SMYD3: variants seen among roughly 807,000 people sequenced by gnomAD.
The protein encoded by SMYD3 is SET and MYND domain containing 3, also known as histone-lysine N-methyltransferase SMYD3.
SMYD3 carries 36 observed loss-of-function variants against 57.7 expected under a neutral mutation model. That is an observed-to-expected ratio of 0.62 (90% CI 0.48 to 0.82). SMYD3 has a LOEUF of 0.82. Ranked by LOEUF, SMYD3 falls within the 40% of genes least tolerant of loss-of-function variation. SMYD3 has a pLI of 0.00. For missense variants in SMYD3, 515 were observed against 538.8 expected, an observed-to-expected ratio of 0.96 and a Z score of 0.44; for synonymous variants, 211 against 195.0, an observed-to-expected ratio of 1.08 and a Z score of -0.68.
At chr1:246,377,436 C>G (rs1488949904) in intron 1 of SMYD3, among the ~76,000 whole-genome samples, 1 of 149,318 alleles carries the variant, frequency 6.7e-6, no homozygotes, top group Admixed American at 6.7e-5. Flanking sequence ...ATGACGCCAT[C>G]TCAGCTCACC....
chr1:246,298,803 GA>G (rs997447131), intron 5 of SMYD3, among the ~76,000 whole-genome samples: 1 of 151,258 alleles, frequency 6.6e-6, no homozygotes, highest in Non-Finnish European at 1.5e-5. Context: ...ATTTCATGGG[GA>G]AAAAAAAGAG....
chr1:245,784,570 C>T (rs1194399199), intron 10 of SMYD3, among the ~76,000 whole-genome samples: 1 of 152,006 alleles, frequency 6.6e-6, no homozygotes, highest in Non-Finnish European at 1.5e-5. Flanking sequence ...GCTCAAGTGA[C>T]CAAAAAATGA....
intron 8 of SMYD3, among the ~76,000 whole-genome samples, chr1:245,886,340 G>A (rs1456840317): frequency 6.6e-6 from 1 of 152,044 alleles, no homozygotes; most frequent in East Asian, 1.9e-4. Context: ...AGAGTTCTCG[G>A]GGTCTGAAAA....
chr1:245,842,921 G>A (rs893614815), intron 10 of SMYD3, among the ~76,000 whole-genome samples: 1 of 152,110 alleles, frequency 6.6e-6, no homozygotes, highest in Non-Finnish European at 1.5e-5. Flanking sequence ...TGTTACCCCA[G>A]GTTGATCTCA....
chr1:246,135,734 G>A (rs1176225833), intron 5 of SMYD3, among the ~76,000 whole-genome samples: 1 of 151,964 alleles, frequency 6.6e-6, no homozygotes, highest in Non-Finnish European at 1.5e-5. Context: ...GAAATATACA[G>A]CTAAAATTGT....
chr1:246,088,410 C>T (rs371417487), intron 5 of SMYD3, among the ~76,000 whole-genome samples: 2 of 150,606 alleles, frequency 1.3e-5, no homozygotes, highest in Non-Finnish European at 2.9e-5. Context: ...GAGATCGAGA[C>T]CATCCTGGCT....
At chr1:246,074,350 T>A in intron 5 of SMYD3, among the ~76,000 whole-genome samples, 1 of 148,916 alleles carries the variant, frequency 6.7e-6, no homozygotes, top group Non-Finnish European at 1.5e-5. Context: ...TTTTTATTGG[T>A]TTGCCAAAAA....
intron 11 of SMYD3, among the ~76,000 whole-genome samples, chr1:245,751,356 A>G (rs2045341966): frequency 6.6e-6 from 1 of 152,152 alleles, no homozygotes. Context: ...ATGCAGGAAA[A>G]CTTTCCATTC....
chr1:245,852,838 CCCCAGTGT>C (rs2051045783), intron 10 of SMYD3, among the ~76,000 whole-genome samples: 1 of 152,126 alleles, frequency 6.6e-6, no homozygotes, highest in Admixed American at 6.5e-5. Context: ...GTGATCACGG[CCCCAGTGT>C]CCCAGTAAGA....
chr1:245,870,327 A>G (rs1310084229), intron 8 of SMYD3, among the ~76,000 whole-genome samples: 1 of 152,068 alleles, frequency 6.6e-6, no homozygotes, highest in Non-Finnish European at 1.5e-5. Flanking sequence ...CATCATTTAG[A>G]GCCTAAGTGT....
chr1:246,012,193 A>T (rs1187675852), intron 5 of SMYD3, among the ~76,000 whole-genome samples: 1 of 152,226 alleles, frequency 6.6e-6, no homozygotes, highest in Non-Finnish European at 1.5e-5. Flanking sequence ...TACACAAAAT[A>T]GAAAGCCTTA....
At chr1:245,835,293 T>C (rs2050052607) in intron 10 of SMYD3, among the ~76,000 whole-genome samples, 1 of 152,066 alleles carries the variant, frequency 6.6e-6, no homozygotes, top group Admixed American at 6.6e-5. Flanking sequence ...CTAATTTTTG[T>C]ATTTTTAGTA....
intron 5 of SMYD3, among the ~76,000 whole-genome samples, chr1:246,245,851 G>A (rs1045072141): frequency 6.6e-6 from 1 of 152,084 alleles, no homozygotes; most frequent in Non-Finnish European, 1.5e-5. Context: ...CAAACTGTAT[G>A]AAAAGTTAGT....
At chr1:246,306,616 T>G (rs1215727017) in intron 5 of SMYD3, among the ~76,000 whole-genome samples, 1 of 152,224 alleles carries the variant, frequency 6.6e-6, no homozygotes. Context: ...TCCAATTTAT[T>G]ATGGTATAAG....
At chr1:245,858,826 C>A (rs1335922458) in intron 9 of SMYD3, among the ~76,000 whole-genome samples, 156 bp from the exon 10 acceptor site, 1 of 152,168 alleles carries the variant, frequency 6.6e-6, no homozygotes, top group East Asian at 1.9e-4. Flanking sequence ...ACTTGAGAAG[C>A]AAAAGCACAG....
rs9699574 is a variant in SMYD3 at position 246,470,526 on chromosome 1, T to A, written c.164+36528A>T. 7.2e-3 allele frequency among the ~76,000 whole-genome samples: 1,053 copies of A among 146,164 alleles called. 9 individuals are homozygous for A. Among genetic ancestry groups the A allele is most frequent in the Non-Finnish European group, 8.6e-3 (572 of 66,652 alleles). On this transcript the variant is annotated intron_variant, in intron 1 of 11. Transcript: ENST00000490107. The stretch of plus-strand genomic sequence containing the variant: ...AAAAAAAATTAAAAAAAAAAATATA[T>A]ATATATATAATATATACACATACAT...
chr1:246,059,721 CATA>C (rs555278986), intron 5 of SMYD3, among the ~76,000 whole-genome samples: 3 of 152,084 alleles, frequency 2.0e-5, no homozygotes, highest in South Asian at 2.1e-4. Flanking sequence ...TATTTTGTGG[CATA>C]ATAAGATTTC....
At chr1:245,835,140 A>C (rs1432217932) in intron 10 of SMYD3, among the ~76,000 whole-genome samples, 1 of 26,254 alleles carries the variant, frequency 3.8e-5, no homozygotes. Context: ...TTTTTTTTTG[A>C]GAGGGAGTCT....
intron 5 of SMYD3, among the ~76,000 whole-genome samples, chr1:246,015,786 T>C (rs1176476793): frequency 6.6e-6 from 1 of 152,224 alleles, no homozygotes; most frequent in Non-Finnish European, 1.5e-5. Context: ...AAGGCTGAAT[T>C]CCATTTTATA....
Sources: allele counts gnomAD v4.1 joint callset (sites outside exome capture counted in the v4.1 genomes callset), GRCh38; gene constraint gnomAD v4.1.1; transcripts MANE v1.5; gene names NCBI Gene and HGNC (gene_info 2026-07-23, HGNC 2026-07-21).